Variants in HTR7 observed in about 807,000 individuals in gnomAD.
HTR7 encodes the protein 5-hydroxytryptamine receptor 7.
Under a neutral mutation model 34.0 loss-of-function variants are expected in HTR7, and 16 were observed. The observed-to-expected ratio is 0.47, with a 90% CI of 0.32 to 0.71. The LOEUF (loss-of-function observed/expected upper bound fraction) is 0.71, where lower values mean the gene tolerates loss of function less well. HTR7 is among the 30% of genes least tolerant of loss of function. HTR7 has a pLI of 0.04. For synonymous variants in HTR7, 265 were observed against 260.2 expected (o/e 1.02, Z -0.18); for missense variants, 504 against 625.5 (o/e 0.81, Z 2.07).
intron 1 of HTR7, among the ~76,000 whole-genome samples, chr10:90,805,083 T>C (rs182340127): frequency 6.6e-6 from 1 of 152,346 alleles, no homozygotes; most frequent in East Asian, 1.9e-4. Context: ...GTACCAGATA[T>C]TACTTTGTAC....
rs1385641965 is a variant in HTR7 at position 90,799,368 on chromosome 10, TGAATGAATG to T, written c.540-49783_540-49775del. On this transcript the variant is annotated intron_variant, in intron 1 of 3. Coordinates refer to ENST00000336152, the MANE Select transcript of HTR7 (RefSeq NM_019859.4). ...ATGAATGAATGAATGAATGAATGAA[TGAATGAATG>T]AATGAAGAGATCCCCAGGTGATTCT... Among the ~76,000 whole-genome samples the T allele has an allele frequency of 1.5e-3, 220 of 151,652 alleles. 2 individuals are homozygous for T. Among genetic ancestry groups the T allele is most frequent in the African/African-American group, 5.2e-3 (214 of 41,302 alleles).
intron 1 of HTR7, among the ~76,000 whole-genome samples, chr10:90,812,729 C>T (rs1054068265): frequency 4.6e-5 from 7 of 152,096 alleles, no homozygotes; most frequent in Non-Finnish European, 1.5e-5. Flanking sequence ...TCTCTCCATA[C>T]CACCCCCCAA....
At chr10:90,812,919 G>T (rs1845838315) in intron 1 of HTR7, among the ~76,000 whole-genome samples, 1 of 152,128 alleles carries the variant, frequency 6.6e-6, no homozygotes, top group Admixed American at 6.5e-5. Context: ...AATATGCCCT[G>T]CCCCGCCTTA....
chr10:90,857,454 T>C lies in HTR7; in HGVS notation c.218A>G (p.Gln73Arg), dbSNP rs772321011. ...PPDNASGCGEQINYGRVEKVV... is the reference protein window; with the variant it reads ...PPDNASGCGERINYGRVEKVV... ...TTTCTCGACTCTGCCGTAGTTGATC[T>C]GTTCCCCACAGCCGGAGGCATTGTC... Residue 73 changes from glutamine (Q) to arginine (R), a missense_variant, in exon 1 of 4, where the codon CAG (glutamine) becomes CGG (arginine). Gln to Arg is a conservative substitution (Grantham distance 43, BLOSUM62 1). This residue lies in a region of HTR7 where 139 missense variants were observed against 117.1 expected (regional missense o/e 1.19). Transcript: ENST00000336152. This position sits in a 1 kb window ranked among gnomAD's most constrained non-coding sequence, Gnocchi z 6.5. 1.9e-6 allele frequency: 3 copies of C among 1,613,962 alleles called. No homozygotes were observed. Among genetic ancestry groups the C allele is most frequent in the African/African-American group, 1.3e-5 (1 of 75,058 alleles).
chr10:90,792,589 G>C (rs796809036), intron 1 of HTR7, among the ~76,000 whole-genome samples: 9 of 152,072 alleles, frequency 5.9e-5, no homozygotes, highest in African/African-American at 1.7e-4. Flanking sequence ...ACTACGGCTT[G>C]ACTTACCATT....
chr10:90,812,858 C>T (rs1220167712), intron 1 of HTR7, among the ~76,000 whole-genome samples: 4 of 152,206 alleles, frequency 2.6e-5, no homozygotes, highest in African/African-American at 9.6e-5. Flanking sequence ...CTGTGACTTG[C>T]ACATATTCGC....
chr10:90,758,213 C>T (rs182141101), intron 1 of HTR7, among the ~76,000 whole-genome samples: 113 of 151,866 alleles, frequency 7.4e-4, no homozygotes, highest in Admixed American at 1.3e-3. Context: ...GGCGTGGTGG[C>T]GCTGGCCTGT....
At chr10:90,840,469 G>A (rs1690508142) in intron 1 of HTR7, among the ~76,000 whole-genome samples, 1 of 152,326 alleles carries the variant, frequency 6.6e-6, no homozygotes, top group South Asian at 2.1e-4. Context: ...CTTAGCTGCA[G>A]TATGCAATGC....
Position 90,749,123 on chromosome 10 carries a change from G to A in HTR7, c.1011C>T (p.Thr337=), listed in dbSNP as rs766954664. The change falls in exon 2 of 4, where the codon ACC becomes ACT. Residue 337 remains threonine (T), a synonymous_variant. Coordinates refer to ENST00000336152, the MANE Select transcript of HTR7 (RefSeq NM_019859.4). The surrounding 1 kb of genome is among the most constrained non-coding windows in gnomAD (Gnocchi z 4.2). ...TTLGIIVGAF[T]VCWLPFFLLS... ...GGAGGAAAAATGGCAGCCAGCACAC[G>A]GTAAAGGCCCCGACGATGATCCCCA... 15 of 1,614,040 alleles carry A rather than the reference G, an allele frequency of 9.3e-6. No homozygotes were observed. The highest frequency in any genetic ancestry group is 6.7e-5 in the East Asian group (3 of 44,894).
At chr10:90,795,956 T>C (rs568213251) in intron 1 of HTR7, among the ~76,000 whole-genome samples, 62 of 152,284 alleles carry the variant, frequency 4.1e-4, no homozygotes, top group African/African-American at 1.3e-3. Flanking sequence ...TAAGGAGTTA[T>C]AGAGAGCAAG....
At chr10:90,842,010 A>G (rs1846336765) in intron 1 of HTR7, among the ~76,000 whole-genome samples, 1 of 148,782 alleles carries the variant, frequency 6.7e-6, no homozygotes, top group Non-Finnish European at 1.5e-5. Context: ...AAGAAAAACA[A>G]AAACAAAAAC....
At chr10:90,821,113 C>A (rs551704716) in intron 1 of HTR7, among the ~76,000 whole-genome samples, 1 of 132,068 alleles carries the variant, frequency 7.6e-6, no homozygotes, top group African/African-American at 3.2e-5. Context: ...TCTACACACT[C>A]ACACAAACAC....
intron 1 of HTR7, among the ~76,000 whole-genome samples, chr10:90,750,960 G>C (rs1404150257): frequency 1.3e-5 from 2 of 152,172 alleles, no homozygotes; most frequent in Non-Finnish European, 2.9e-5. Flanking sequence ...GAGTAGAAGA[G>C]ACGAAAATCC....
At chr10:90,745,853 T>C (rs1184971308) in intron 2 of HTR7, among the ~76,000 whole-genome samples, 1 of 152,232 alleles carries the variant, frequency 6.6e-6, no homozygotes, top group African/African-American at 2.4e-5. Flanking sequence ...AGAGACCATA[T>C]GGCTAGCAAA....
chr10:90,747,154 T>C (rs1564667425), intron 2 of HTR7, among the ~76,000 whole-genome samples: 1 of 152,228 alleles, frequency 6.6e-6, no homozygotes, highest in Non-Finnish European at 1.5e-5. Context: ...AAAGTGGGGA[T>C]GCTAGAAGCA....
intron 1 of HTR7, among the ~76,000 whole-genome samples, chr10:90,849,931 G>C (rs534284614): frequency 6.6e-6 from 1 of 152,332 alleles, no homozygotes; most frequent in South Asian, 2.1e-4. Context: ...GAAGCACAGG[G>C]AGGCAAGCCA....
intron 1 of HTR7, among the ~76,000 whole-genome samples, chr10:90,766,027 T>C (rs1845016759): frequency 6.6e-6 from 1 of 152,342 alleles, no homozygotes; most frequent in African/African-American, 2.4e-5. Flanking sequence ...TATATGTCTG[T>C]TAGGTCCATT....
At chr10:90,782,551 C>A (rs968561739) in intron 1 of HTR7, among the ~76,000 whole-genome samples, 1 of 151,996 alleles carries the variant, frequency 6.6e-6, no homozygotes, top group African/African-American at 2.4e-5. Context: ...TAGAATCATG[C>A]CCCATCACCT....
intron 1 of HTR7, among the ~76,000 whole-genome samples, chr10:90,812,091 T>C (rs1412465646): frequency 6.6e-6 from 1 of 152,168 alleles, no homozygotes; most frequent in Non-Finnish European, 1.5e-5. Flanking sequence ...GACAATACTT[T>C]TACCACTTTC....
Sources: gnomAD v4.1 joint callset for allele counts (sites outside exome capture counted in the v4.1 genomes callset) on GRCh38, gnomAD v4.1.1 for gene constraint, gnomAD v4.1.1 regional missense constraint, Gnocchi (gnomAD v3.1) non-coding constraint, MANE v1.5 for transcripts, NCBI Gene and HGNC (gene_info 2026-07-23, HGNC 2026-07-21) for gene names.